Variants in HSD17B6 observed in about 807,000 individuals in gnomAD.
HSD17B6 encodes hydroxysteroid 17-beta dehydrogenase 6, also known as 17-beta-hydroxysteroid dehydrogenase type 6.
In HSD17B6, 16 loss-of-function variants were observed where a neutral mutation model predicts 26.4. That is an observed-to-expected ratio of 0.61 (90% CI 0.41 to 0.92). The LOEUF is 0.92. Ranked by LOEUF, HSD17B6 falls within the 40% of genes least tolerant of loss-of-function variation. The pLI is 0.00. For missense variants in HSD17B6, 357 were observed against 386.1 expected (o/e 0.92, Z 0.63); for synonymous variants, 139 against 153.0 (o/e 0.91, Z 0.68).
chr12:56,765,926 T>A (rs943427850), intron 1 of HSD17B6, among the ~76,000 whole-genome samples: 1 of 152,002 alleles, frequency 6.6e-6, no homozygotes, highest in Admixed American at 6.6e-5. Flanking sequence ...AGCCATCACA[T>A]CCCCTGTGAC....
At chr12:56,771,246 T>C (rs1014071997) in intron 1 of HSD17B6, among the ~76,000 whole-genome samples, 3 of 152,124 alleles carry the variant, frequency 2.0e-5, no homozygotes, top group African/African-American at 2.4e-5. Flanking sequence ...TACCACCTAT[T>C]CCTGTGCCTT....
intron 3 of HSD17B6, 55 bp from the exon 4 acceptor site, chr12:56,784,798 G>T: frequency 6.5e-7 from 1 of 1,546,130 alleles, no homozygotes; most frequent in Non-Finnish European, 8.8e-7. Context: ...TTTCCTTCCT[G>T]AAAGCATTGA....
At chr12:56,767,628 T>TATAAC (rs1378959543) in intron 1 of HSD17B6, among the ~76,000 whole-genome samples, 2 of 144,166 alleles carry the variant, frequency 1.4e-5, no homozygotes, top group African/African-American at 5.1e-5. Context: ...ATATAACATA[T>TATAAC]ATATTATATT....
intron 1 of HSD17B6, among the ~76,000 whole-genome samples, chr12:56,772,563 G>A (rs1954497728): frequency 6.6e-6 from 1 of 151,902 alleles, no homozygotes; most frequent in Admixed American, 6.6e-5. Flanking sequence ...CGGCTTGGTG[G>A]CACGTGCCTG....
At chr12:56,780,485 G>C (rs1013642921) in intron 2 of HSD17B6, among the ~76,000 whole-genome samples, 1 of 152,120 alleles carries the variant, frequency 6.6e-6, no homozygotes. Flanking sequence ...TTCCTTATTT[G>C]AAGGTGTTTT....
intron 4 of HSD17B6, 129 bp downstream of exon 4, chr12:56,785,145 T>C (rs1954849208): frequency 1.0e-6 from 1 of 999,872 alleles, no homozygotes; most frequent in Non-Finnish European, 1.4e-6. Context: ...CAGTTCTGCA[T>C]GGCTGGGGAG....
At chr12:56,786,150 A>C in intron 4 of HSD17B6, 2 of 165,256 alleles carry the variant, frequency 1.2e-5, no homozygotes, top group Non-Finnish European at 2.5e-5. Context: ...TGAATATCTC[A>C]ATAATGTTAA....
chr12:56,768,980 TAG>T lies in HSD17B6; in HGVS notation c.-19-4846_-19-4845del, dbSNP rs1011093015. ...TGAAACTGTGAGAGGATTGCAGTAA[TAG>T]AGAGAGACTGAGGAAAAGGAAGGCA... On this transcript the variant is annotated intron_variant, in intron 1 of 4. Coordinates refer to ENST00000322165, the MANE Select transcript of HSD17B6 (RefSeq NM_003725.4). 9.8e-5 allele frequency among the ~76,000 whole-genome samples: 14 copies of T among 142,216 alleles called. No individual in the cohort carries two copies. In the East Asian group the frequency reaches 2.8e-3, roughly 28 times the overall value. 93.3% of individuals were successfully genotyped at this position (142,216 alleles called of 152,430 possible). A position where few individuals can be genotyped will look rare whatever the true frequency, so the allele number is the denominator to read the frequency against.
chr12:56,784,368 G>A (rs964930380), intron 3 of HSD17B6, among the ~76,000 whole-genome samples: 17 of 152,342 alleles, frequency 1.1e-4, no homozygotes, highest in African/African-American at 3.4e-4. Context: ...TCACGCCACT[G>A]CACTCCAGCC....
intron 4 of HSD17B6, among the ~76,000 whole-genome samples, chr12:56,785,723 G>C (rs1278428875): frequency 1.3e-5 from 2 of 151,180 alleles, no homozygotes; most frequent in African/African-American, 4.9e-5. Context: ...TGAGATGTCT[G>C]CTCAACTAAA....
At chr12:56,767,630 T>TAATAC (rs1954364680) in intron 1 of HSD17B6, among the ~76,000 whole-genome samples, 1 of 144,294 alleles carries the variant, frequency 6.9e-6, no homozygotes. Context: ...ATAACATATA[T>TAATAC]ATTATATTAA....
At chr12:56,784,809 A>T in intron 3 of HSD17B6, 44 bp from the exon 4 acceptor site, 6 of 1,579,448 alleles carry the variant, frequency 3.8e-6, no homozygotes, top group Non-Finnish European at 5.2e-6. Context: ...AAAGCATTGA[A>T]ATGGTGGTGG....
chr12:56,771,540 C>T (rs1954473552), intron 1 of HSD17B6, among the ~76,000 whole-genome samples: 1 of 150,214 alleles, frequency 6.7e-6, no homozygotes, highest in South Asian at 2.1e-4. Context: ...CTCACTGCAA[C>T]CTCCACCTCC....
chr12:56,777,139 T>C (rs190316823), intron 2 of HSD17B6, among the ~76,000 whole-genome samples: 137 of 152,276 alleles, frequency 9.0e-4, no homozygotes, highest in Non-Finnish European at 1.5e-3. Flanking sequence ...TTCCAGCTAC[T>C]TGAGAGGCTG....
chr12:56,763,619 A>G (rs373793317), intron 1 of HSD17B6, among the ~76,000 whole-genome samples: 1 of 152,090 alleles, frequency 6.6e-6, no homozygotes, highest in East Asian at 1.9e-4. Flanking sequence ...CTTTACTCCC[A>G]TGAAGTTTGG....
At chr12:56,774,836 A>AT (rs1196299467) in intron 2 of HSD17B6, among the ~76,000 whole-genome samples, 2 of 152,228 alleles carry the variant, frequency 1.3e-5, no homozygotes, top group African/African-American at 4.8e-5. Context: ...AATGCCTGTG[A>AT]TGGGGAGTGG....
intron 3 of HSD17B6, among the ~76,000 whole-genome samples, chr12:56,783,651 CA>C (rs1481383171): frequency 9.3e-5 from 9 of 97,024 alleles, no homozygotes; most frequent in South Asian, 3.4e-4. Context: ...TGACCCCCCC[CA>C]CCTCCCTCTC....
At chr12:56,772,459 C>A (rs763956595) in intron 1 of HSD17B6, among the ~76,000 whole-genome samples, 1 of 151,902 alleles carries the variant, frequency 6.6e-6, no homozygotes, top group African/African-American at 2.4e-5. Flanking sequence ...TTTTGGGAGG[C>A]CAAGGTGGGT....
At chr12:56,783,052 G>A (rs1360539058) in intron 3 of HSD17B6, among the ~76,000 whole-genome samples, 1 of 152,194 alleles carries the variant, frequency 6.6e-6, no homozygotes, top group Non-Finnish European at 1.5e-5. Flanking sequence ...TTTCTACACA[G>A]ACACGGCAAC....
Sources: allele counts gnomAD v4.1 joint callset (sites outside exome capture counted in the v4.1 genomes callset), GRCh38; gene constraint gnomAD v4.1.1; transcripts MANE v1.5; gene names NCBI Gene and HGNC (gene_info 2026-07-23, HGNC 2026-07-21).